Variants in CIC observed in about 807,000 individuals in gnomAD.
The protein encoded by CIC is capicua transcriptional repressor.
Under a neutral mutation model 115.7 loss-of-function variants are expected in CIC, and 18 were observed. That is an observed-to-expected ratio of 0.16 (90% CI 0.11 to 0.23). The LOEUF (loss-of-function observed/expected upper bound fraction) is 0.23. Among genes scored for constraint, CIC ranks in the 10% least tolerant of loss-of-function variants. The probability of loss-of-function intolerance (pLI) is 1.00; values close to 1 mark genes in which losing one functional copy is unlikely to be tolerated. For missense variants in CIC, 2,000 were observed against 2,159.3 expected (o/e 0.93, Z 1.46); for synonymous variants, 1,076 against 923.0 (o/e 1.17, Z -3.01).
rs1197021364 is a variant in CIC at position 42,295,694 on chromosome 19, C to A, written c.*503C>A. On this transcript the variant is annotated 3_prime_UTR_variant, in exon 21 of 21. Coordinates refer to ENST00000681038, the MANE Select transcript of CIC (RefSeq NM_001386298.1). ...TGTACTTTCTAAGAAGGTGATTCCC[C>A]CTGCCCTTGCCCCCTTCCCCAGAAC... 4.3e-6 allele frequency: 1 copy of A among 231,120 alleles called. No homozygotes were observed. The highest frequency in any genetic ancestry group is 8.6e-6 in the Non-Finnish European group (1 of 116,778). 14.3% of individuals were successfully genotyped at this position (231,120 alleles called of 1,614,324 possible). A position where few individuals can be genotyped will look rare whatever the true frequency, so the allele number is the denominator to read the frequency against.
At position 42,287,436 on chromosome 19, in the gene CIC, G is replaced by A. The variant is rs752629455; in HGVS notation, c.3296G>A (p.Arg1099His). The A allele has an allele frequency of 5.6e-6, 9 of 1,613,416 alleles. No individual in the cohort carries two copies. Among genetic ancestry groups the A allele is most frequent in the Non-Finnish European group, 5.9e-6 (7 of 1,180,032 alleles). ...ERDSSSEKDG[R>H]SPNKREKDHI... is the part of the protein sequence containing the mutation. ...GACTCATCTTCTGAGAAGGATGGAC[G>A]CAGCCCCAACAAGGTACTTTATCCC... is the stretch of plus-strand genomic sequence containing the variant. Residue 1099 changes from arginine to histidine, a missense_variant, in exon 5 of 21, where the codon CGC becomes CAC. Coordinates refer to ENST00000681038, the MANE Select transcript of CIC (RefSeq NM_001386298.1). This position sits in a 1 kb window ranked among gnomAD's most constrained non-coding sequence, Gnocchi z 8.7.
rs762633949 is a variant in CIC, at chr19:42,293,100, G to A, written c.6341G>A (p.Arg2114Gln). Residue 2114 changes from arginine (R) to glutamine (Q), a missense_variant, in exon 16 of 21, where the codon CGG becomes CAG. Coordinates refer to ENST00000681038, the MANE Select transcript of CIC (RefSeq NM_001386298.1). ...GASGRPGPAPRQPLEPGPVRE... is the reference protein window; with the variant it reads ...GASGRPGPAPQQPLEPGPVRE... ...TCTGGGCGGCCTGGCCCTGCACCCC[G>A]GCAGCCTCTGGAGCCTGGCCCAGTC... 34 of 1,609,346 alleles carry A rather than the reference G, an allele frequency of 2.1e-5. No homozygotes were observed. The highest frequency in any genetic ancestry group is 3.3e-5 in the South Asian group (3 of 90,730).
rs1165166758 is a variant in CIC at position 42,272,623 on chromosome 19, C to T, written c.840C>T (p.Ala280=). ...CCTGTGTGGAGCCCGGCGTGGCTGC[C>T]TACCGGGAAGGTGTGGTGGTGGAGG... is the stretch of plus-strand genomic sequence containing the variant. The part of the protein sequence containing the change: ...VCTCVEPGVA[A]YREGVVVEVA... Residue 280 remains alanine, a synonymous_variant, in exon 2 of 21, where the codon GCC becomes GCT. Coordinates refer to ENST00000681038, the MANE Select transcript of CIC (RefSeq NM_001386298.1). 1 of 398,532 alleles carries T rather than the reference C, an allele frequency of 2.5e-6. No homozygotes were observed. The highest frequency in any genetic ancestry group is 2.1e-5 in the African/African-American group (1 of 48,592). 24.7% of individuals were successfully genotyped at this position (398,532 alleles called of 1,614,324 possible).
chr19:42,271,681 A>C (rs1450922247), intron 1 of CIC, 93 bp from the exon 2 acceptor site: 2 of 397,822 alleles, frequency 5.0e-6, no homozygotes, highest in African/African-American at 4.1e-5. Context: ...GGATGGAGAC[A>C]GTAGACTCAG....
In CIC at chr19:42,270,057, C is replaced by T. The variant is rs1056880635; in HGVS notation, c.-11+676C>T. On this transcript the variant is annotated intron_variant, in intron 1 of 20. Transcript: ENST00000681038. The surrounding 1 kb of genome is among the most constrained non-coding windows in gnomAD (Gnocchi z 4.1). ...TGGGGCGAAGAGAGGCTGGGCCAGGCAGCAAGGTCTAGGGGTCCAGGCGGC... is the reference window on the plus strand; with the variant it reads ...TGGGGCGAAGAGAGGCTGGGCCAGGTAGCAAGGTCTAGGGGTCCAGGCGGC... 2.0e-5 allele frequency among the ~76,000 whole-genome samples: 3 copies of T among 152,092 alleles called. No homozygotes were observed. Among genetic ancestry groups the T allele is most frequent in the African/African-American group, 7.2e-5 (3 of 41,398 alleles).
intron 19 of CIC, 101 bp from the exon 20 acceptor site, chr19:42,294,501 CCT>C: frequency 6.3e-7 from 1 of 1,581,256 alleles, no homozygotes; most frequent in Non-Finnish European, 8.6e-7. Context: ...CTCTGACTCC[CCT>C]GTGAAATAGA....
chr19:42,292,471 G>GGGGC lies in CIC; in HGVS notation c.5902+8_5902+11dup, dbSNP rs1376669214. The GGGGC allele has an allele frequency of 6.2e-7, 1 of 1,611,304 alleles. No individual in the cohort carries two copies. Among genetic ancestry groups the GGGGC allele is most frequent in the Non-Finnish European group, 8.5e-7 (1 of 1,179,052 alleles). On this transcript the variant is annotated splice_donor_region_variant and intron_variant, in intron 14 of 20. Coordinates refer to ENST00000681038, the MANE Select transcript of CIC (RefSeq NM_001386298.1). The stretch of plus-strand genomic sequence containing the variant: ...TCGTGCAGCCCCTGCTCTCAGGTGA[G>GGGGC]GGGCGGCCTGGCAGGCAGTGCTGGG...
rs763246589 is a variant in CIC at position 42,295,230 on chromosome 19, T to G, written c.*39T>G. Reference sequence around the variant, plus strand: ...AGATGCCAGGACTTATAGTACCCCCTCAGGACATGGACAGTATGTGGGGGC... The same window carrying G: ...AGATGCCAGGACTTATAGTACCCCCGCAGGACATGGACAGTATGTGGGGGC... On this transcript the variant is annotated 3_prime_UTR_variant, in exon 21 of 21. Transcript: ENST00000681038. 31 of 1,431,750 alleles carry G rather than the reference T, an allele frequency of 2.2e-5. No individual in the cohort carries two copies. The South Asian group carries it at 3.8e-4, about 17-fold the overall frequency. The allele number at this position is 1,431,750 out of a possible 1,614,324, so 88.7% of individuals were successfully genotyped here.
At chr19:42,277,727 C>G (rs1047892019) in intron 2 of CIC, among the ~76,000 whole-genome samples, 1 of 152,224 alleles carries the variant, frequency 6.6e-6, no homozygotes, top group African/African-American at 2.4e-5. Flanking sequence ...CAGGGGTAGA[C>G]TGAGGATCAG....
rs1167087783 is a variant in CIC at position 42,273,924 on chromosome 19, G to A, written c.2141G>A (p.Arg714Gln). 2.5e-6 allele frequency: 1 copy of A among 398,422 alleles called. No homozygotes were observed. The highest frequency in any genetic ancestry group is 1.3e-4 in the South Asian group (1 of 7,864). The allele number at this position is 398,422 out of a possible 1,614,324, so 24.7% of individuals were successfully genotyped here. A position where few individuals can be genotyped will look rare whatever the true frequency, so the allele number is the denominator to read the frequency against. Residue 714 changes from arginine to glutamine, a missense_variant, in exon 2 of 21, where the codon CGG becomes CAG. Physicochemically the swap from Arg to Gln is conservative, Grantham distance 43 (BLOSUM62 1). Coordinates refer to ENST00000681038, the MANE Select transcript of CIC (RefSeq NM_001386298.1). The part of the protein sequence containing the change: ...TFTVPISPGR[R>Q]KTELLPHPGA... ...ACCGTGCCCATCAGCCCTGGGCGAC[G>A]GAAGACAGAGCTGTTGCCGCATCCA...
At chr19:42,289,747 C>A (rs2147241125) in intron 9 of CIC, 101 bp from the exon 10 acceptor site, 1 of 1,084,426 alleles carries the variant, frequency 9.2e-7, no homozygotes, top group Non-Finnish European at 1.4e-6. Context: ...ACAGCACTCC[C>A]TGCCGGTTTG....
At position 42,291,288 on chromosome 19, in the gene CIC, T is replaced by G. The variant is rs774973563; in HGVS notation, c.5247T>G (p.Pro1749=). 5.0e-6 allele frequency: 8 copies of G among 1,612,654 alleles called. No homozygotes were observed. Among genetic ancestry groups the G allele is most frequent in the African/African-American group, 4.0e-5 (3 of 74,876 alleles). The change falls in exon 11 of 21, where the codon CCT becomes CCG. Residue 1749 remains proline, a synonymous_variant. Coordinates refer to ENST00000681038, the MANE Select transcript of CIC (RefSeq NM_001386298.1). Reference sequence around the variant, plus strand: ...TGCCCCAGCAGCTTCAGGTGGCACCTGCCCCAGCACCAGCCCCTGGGACCA... The same window carrying G: ...TGCCCCAGCAGCTTCAGGTGGCACCGGCCCCAGCACCAGCCCCTGGGACCA... ...PTLPQQLQVA[P]APAPAPGTKA...
rs558660943 is a variant in CIC, at chr19:42,273,411, C to T, written c.1628C>T (p.Ala543Val). Reference sequence around the variant, plus strand: ...CTGGCAGACAGTGGGCCTGGCGGGGCGGGCCGGCCCGCGGCCGTGGCAGCC... The same window carrying T: ...CTGGCAGACAGTGGGCCTGGCGGGGTGGGCCGGCCCGCGGCCGTGGCAGCC... ...EGLADSGPGG[A>V]GRPAAVAARE... Residue 543 changes from alanine (A) to valine (V), a missense_variant, in exon 2 of 21, where the codon GCG becomes GTG. This residue lies in a region of CIC where 222 missense variants were observed against 247.7 expected (regional missense o/e 0.90). Coordinates refer to ENST00000681038, the MANE Select transcript of CIC (RefSeq NM_001386298.1). 91 of 398,224 alleles carry T rather than the reference C, an allele frequency of 2.3e-4. No individual in the cohort carries two copies. Among genetic ancestry groups the T allele is most frequent in the African/African-American group, 1.5e-3 (73 of 48,688 alleles). 24.7% of individuals were successfully genotyped at this position (398,224 alleles called of 1,614,324 possible).
At chr19:42,281,622 C>T (rs2037256972) in intron 2 of CIC, among the ~76,000 whole-genome samples, 1 of 152,180 alleles carries the variant, frequency 6.6e-6, no homozygotes, top group Admixed American at 6.5e-5. Context: ...TCCCTCCCCT[C>T]TGCTCCTAAT....
Position 42,289,961 on chromosome 19 carries a change from TG to T in CIC, c.4191+13del. ...CCCAGAGGGCAACAAGGTGAGGGCT[TG>T]GGTCACGGTGCTGTCCCATCACACT... is the stretch of plus-strand genomic sequence containing the variant. On this transcript the variant is annotated intron_variant, in intron 10 of 20. Coordinates refer to ENST00000681038, the MANE Select transcript of CIC (RefSeq NM_001386298.1). 1 of 1,586,334 alleles carries T rather than the reference TG, an allele frequency of 6.3e-7. No individual in the cohort carries two copies. Among genetic ancestry groups the T allele is most frequent in the Non-Finnish European group, 8.6e-7 (1 of 1,162,894 alleles).
intron 1 of CIC, among the ~76,000 whole-genome samples, chr19:42,269,634 A>T (rs2036691962): frequency 6.6e-6 from 1 of 150,704 alleles, no homozygotes. Context: ...AGGGAGAGGG[A>T]GGGGACAGAG....
At chr19:42,281,825 C>G (rs1451149642) in intron 2 of CIC, among the ~76,000 whole-genome samples, 1 of 152,220 alleles carries the variant, frequency 6.6e-6, no homozygotes, top group Non-Finnish European at 1.5e-5. Context: ...TGTATTCTAC[C>G]AGATGTGCAC....
Position 42,290,818 on chromosome 19 carries a change from G to T in CIC, c.4777G>T (p.Val1593Leu). The change falls in exon 11 of 21, where the codon GTG (valine) becomes TTG (leucine). Residue 1593 changes from valine (V) to leucine (L), a missense_variant. Val to Leu is a conservative substitution (Grantham distance 32). This residue lies in a region of CIC where 1,466 missense variants were observed against 1,390.4 expected (regional missense o/e 1.05). Transcript: ENST00000681038. ...NVVRPVSSTPVPIASKPFPTS... is the reference protein window; with the variant it reads ...NVVRPVSSTPLPIASKPFPTS... ...GGTGCGGCCTGTCAGCAGCACTCCT[G>T]TGCCCATCGCCTCTAAGCCCTTCCC... is the stretch of plus-strand genomic sequence containing the variant. 6.2e-7 allele frequency: 1 copy of T among 1,608,872 alleles called. No homozygotes were observed. Among genetic ancestry groups the T allele is most frequent in the Non-Finnish European group, 8.5e-7 (1 of 1,177,966 alleles).
intron 2 of CIC, among the ~76,000 whole-genome samples, chr19:42,283,035 G>C (rs2037335058): frequency 6.6e-6 from 1 of 152,150 alleles, no homozygotes; most frequent in Non-Finnish European, 1.5e-5. Context: ...TGGCCACTGA[G>C]CTCTGTATAC....
Sources: gnomAD v4.1 joint callset for allele counts (sites outside exome capture counted in the v4.1 genomes callset) on GRCh38, gnomAD v4.1.1 for gene constraint, gnomAD v4.1.1 regional missense constraint, Gnocchi (gnomAD v3.1) non-coding constraint, MANE v1.5 for transcripts, NCBI Gene and HGNC (gene_info 2026-07-23, HGNC 2026-07-21) for gene names.